KLHL29: variants seen among roughly 807,000 people sequenced by gnomAD.
KLHL29 encodes kelch like family member 29.
Under a neutral mutation model 80.4 loss-of-function variants are expected in KLHL29, and 21 were observed. That is an observed-to-expected ratio of 0.26 (90% CI 0.19 to 0.38). The LOEUF is 0.38. Ranked by LOEUF, KLHL29 falls within the 10% of genes least tolerant of loss-of-function variation. The pLI is 1.00. For synonymous variants in KLHL29, 511 were observed against 526.8 expected (o/e 0.97, Z 0.41); for missense variants, 867 against 1,223.9 (o/e 0.71, Z 4.35).
intron 2 of KLHL29, among the ~76,000 whole-genome samples, chr2:23,495,316 C>G (rs1665230279): frequency 6.6e-6 from 1 of 152,186 alleles, no homozygotes; most frequent in Non-Finnish European, 1.5e-5. Flanking sequence ...TGGAGCCCCC[C>G]AATCCTGGTG....
At chr2:23,574,811 G>A (rs1667802193) in intron 3 of KLHL29, among the ~76,000 whole-genome samples, 2 of 152,320 alleles carry the variant, frequency 1.3e-5, no homozygotes, top group African/African-American at 4.8e-5. Flanking sequence ...TTCAGGGACA[G>A]CTGACCCACC....
chr2:23,429,089 A>C (rs1663090173), intron 1 of KLHL29, among the ~76,000 whole-genome samples: 1 of 152,184 alleles, frequency 6.6e-6, no homozygotes, highest in African/African-American at 2.4e-5. Flanking sequence ...TCTTTGGGTG[A>C]GGATCGTGAG....
chr2:23,601,790 G>A (rs1198744109), intron 3 of KLHL29, among the ~76,000 whole-genome samples: 2 of 152,180 alleles, frequency 1.3e-5, no homozygotes, highest in African/African-American at 4.8e-5. Flanking sequence ...GATCTTGTCT[G>A]ATGGAGACCC....
In KLHL29 at chr2:23,562,079, C is replaced by A; in HGVS notation, c.-45-73C>A. ...CCTGTTATTGAACCCAGAGAAGGGG[C>A]TTCATGGATGCTGTCAGTTGTCGCT... On this transcript the variant is annotated intron_variant, in intron 2 of 13. Coordinates refer to ENST00000486442, the MANE Select transcript of KLHL29 (RefSeq NM_052920.2). This position sits in a 1 kb window ranked among gnomAD's most constrained non-coding sequence, Gnocchi z 4.5. 1 of 1,169,624 alleles carries A rather than the reference C, an allele frequency of 8.5e-7. No individual in the cohort carries two copies. Among genetic ancestry groups the A allele is most frequent in the Non-Finnish European group, 1.2e-6 (1 of 826,010 alleles). 72.5% of individuals were successfully genotyped at this position (1,169,624 alleles called of 1,614,324 possible).
chr2:23,540,267 T>C (rs958656665), intron 2 of KLHL29, among the ~76,000 whole-genome samples: 1 of 152,242 alleles, frequency 6.6e-6, no homozygotes, highest in Non-Finnish European at 1.5e-5. Context: ...TCCAATACAG[T>C]AGCCACTAGC....
chr2:23,564,243 C>A (rs1667530567), intron 3 of KLHL29, among the ~76,000 whole-genome samples: 1 of 152,220 alleles, frequency 6.6e-6, no homozygotes, highest in African/African-American at 2.4e-5. Flanking sequence ...GCCTGCAGAG[C>A]TCCCGCTTTG....
intron 3 of KLHL29, among the ~76,000 whole-genome samples, chr2:23,597,816 G>A (rs1668466270): frequency 6.6e-6 from 1 of 152,122 alleles, no homozygotes. Context: ...AGCTCTTGTA[G>A]GTTCTTCTGC....
At chr2:23,532,447 C>T in intron 2 of KLHL29, 1 of 409,300 alleles carries the variant, frequency 2.4e-6, no homozygotes, top group Admixed American at 2.6e-5. Context: ...CCCACGCACC[C>T]TCTGCACCCA....
At chr2:23,672,452 G>A (rs1332781843) in intron 5 of KLHL29, 1 of 152,374 alleles carries the variant, frequency 6.6e-6, no homozygotes, top group African/African-American at 2.4e-5. Flanking sequence ...AGTCGATTCA[G>A]AGTGACATGC....
At chr2:23,464,292 G>T (rs577386297) in intron 1 of KLHL29, among the ~76,000 whole-genome samples, 1 of 152,176 alleles carries the variant, frequency 6.6e-6, no homozygotes, top group Non-Finnish European at 1.5e-5. Flanking sequence ...CGGAGCCCCC[G>T]GAGCCCCCAG....
At chr2:23,633,720 C>T (rs189652696) in intron 3 of KLHL29, among the ~76,000 whole-genome samples, 21 of 134,532 alleles carry the variant, frequency 1.6e-4, no homozygotes, top group South Asian at 5.2e-4. Flanking sequence ...GGCATAGTGT[C>T]GCATCTGACA....
At chr2:23,662,623 G>A (rs958412304) in intron 5 of KLHL29, among the ~76,000 whole-genome samples, 1 of 152,140 alleles carries the variant, frequency 6.6e-6, no homozygotes, top group Admixed American at 6.5e-5. Flanking sequence ...CCTGAGGAGA[G>A]AGCCCTGCCC....
chr2:23,444,515 G>A (rs981246860), intron 1 of KLHL29, among the ~76,000 whole-genome samples: 1 of 151,932 alleles, frequency 6.6e-6, no homozygotes, highest in Non-Finnish European at 1.5e-5. Context: ...TAGTAGAGAT[G>A]GGGTTTCACG....
intron 2 of KLHL29, among the ~76,000 whole-genome samples, chr2:23,487,988 C>G (rs1363209133): frequency 6.6e-6 from 1 of 152,172 alleles, no homozygotes; most frequent in Non-Finnish European, 1.5e-5. Context: ...CCCCTTCTAG[C>G]CTTTTAACCT....
In KLHL29 at chr2:23,696,535, CAG is replaced by C; in HGVS notation, c.2105+23_2105+24del. The C allele has an allele frequency of 6.7e-7, 1 of 1,486,362 alleles. No homozygotes were observed. The highest frequency in any genetic ancestry group is 9.0e-7 in the Non-Finnish European group (1 of 1,114,710). The allele number at this position is 1,486,362 out of a possible 1,614,324, so 92.1% of individuals were successfully genotyped here. A position where few individuals can be genotyped will look rare whatever the true frequency, so the allele number is the denominator to read the frequency against. The stretch of plus-strand genomic sequence containing the variant: ...AGAGGTAATGAGGCCACGGTCAGGA[CAG>C]GGGCATGCTCTTTGCTCACCAAGAA... On this transcript the variant is annotated intron_variant, in intron 11 of 13. Transcript: ENST00000486442. This position sits in a 1 kb window ranked among gnomAD's most constrained non-coding sequence, Gnocchi z 5.5.
At chr2:23,586,823 T>C (rs1012414066) in intron 3 of KLHL29, among the ~76,000 whole-genome samples, 1 of 151,950 alleles carries the variant, frequency 6.6e-6, no homozygotes, top group African/African-American at 2.4e-5. Context: ...CGCCGCATTG[T>C]AGTTAGTTGT....
At chr2:23,701,338 T>C (rs1672353017) in intron 11 of KLHL29, among the ~76,000 whole-genome samples, 1 of 152,244 alleles carries the variant, frequency 6.6e-6, no homozygotes. Context: ...TTCTGACCTC[T>C]TCATTCCAGG....
At chr2:23,656,770 C>T (rs1670257705) in intron 5 of KLHL29, among the ~76,000 whole-genome samples, 1 of 152,080 alleles carries the variant, frequency 6.6e-6, no homozygotes, top group Admixed American at 6.6e-5. Flanking sequence ...GGGGTGGGGC[C>T]TGCAGAGGGG....
At chr2:23,624,812 C>T (rs1371978855) in intron 3 of KLHL29, among the ~76,000 whole-genome samples, 16 of 152,178 alleles carry the variant, frequency 1.1e-4, no homozygotes, top group Admixed American at 1.0e-3. Context: ...CTAATAGCTG[C>T]CATTTGCTGA....
Sources: gnomAD v4.1 joint callset for allele counts (sites outside exome capture counted in the v4.1 genomes callset) on GRCh38, gnomAD v4.1.1 for gene constraint, Gnocchi (gnomAD v3.1) non-coding constraint, MANE v1.5 for transcripts, NCBI Gene and HGNC (gene_info 2026-07-23, HGNC 2026-07-21) for gene names.